Variants in ERMP1 observed in about 807,000 individuals in gnomAD.
ERMP1 encodes endoplasmic reticulum metallopeptidase 1.
ERMP1 carries 86 observed loss-of-function variants against 92.0 expected under a neutral mutation model. The observed-to-expected ratio is 0.93, with a 90% CI of 0.79 to 1.12. The LOEUF (loss-of-function observed/expected upper bound fraction) is 1.12, where lower values mean the gene tolerates loss of function less well. ERMP1 is among the 50% of genes most tolerant of loss of function. The probability of loss-of-function intolerance (pLI) is 0.00; values close to 1 mark genes in which losing one functional copy is unlikely to be tolerated. For missense variants in ERMP1, 1,342 were observed against 1,116.3 expected, an observed-to-expected ratio of 1.20 and a Z score of -2.88; for synonymous variants, 530 against 412.8, an observed-to-expected ratio of 1.28 and a Z score of -3.44.
chr9:5,807,867 C>G (rs1396314025), intron 8 of ERMP1, among the ~76,000 whole-genome samples: 2 of 152,184 alleles, frequency 1.3e-5, no homozygotes, highest in Non-Finnish European at 2.9e-5. Context: ...ATATGTCAGT[C>G]TCACTTCATC....
chr9:5,805,106 C>G lies in ERMP1; in HGVS notation c.1835G>C (p.Arg612Thr). ...ATCAGGTGGGATTTCAGAACCACTT[C>G]TCCCGAGGATAGGGGTAAACATCTC... ...VFEMFTPILG[R>T]SGSEIPPDVV... Residue 612 changes from arginine (R) to threonine (T), a missense_variant, in exon 10 of 15, where the codon AGA (arginine) becomes ACA (threonine). Coordinates refer to ENST00000339450, the MANE Select transcript of ERMP1 (RefSeq NM_024896.3). 1.2e-6 allele frequency: 2 copies of G among 1,613,758 alleles called. No individual in the cohort carries two copies. Among genetic ancestry groups the G allele is most frequent in the Non-Finnish European group, 1.7e-6 (2 of 1,179,944 alleles).
chr9:5,836,713 T>A (rs934752902), upstream of ERMP1, among the ~76,000 whole-genome samples: 2 of 152,192 alleles, frequency 1.3e-5, no homozygotes, highest in Non-Finnish European at 2.9e-5. Flanking sequence ...TTTCCAACTC[T>A]GAAGCTCTGA....
chr9:5,854,257 A>AT (rs1308365311), intron 6 of ERMP1, among the ~76,000 whole-genome samples: 1 of 152,112 alleles, frequency 6.6e-6, no homozygotes, highest in East Asian at 1.9e-4. Flanking sequence ...TGTCAGTACT[A>AT]GTCAGGCTGA....
intron 11 of ERMP1, among the ~76,000 whole-genome samples, chr9:5,800,570 G>C (rs1379811751): frequency 6.6e-6 from 1 of 152,092 alleles, no homozygotes; most frequent in Non-Finnish European, 1.5e-5. Context: ...CAGCTACTTG[G>C]GAGTCTGAGG....
chr9:5,857,099 C>T (rs1830384033), intron 6 of ERMP1, among the ~76,000 whole-genome samples: 1 of 152,122 alleles, frequency 6.6e-6, no homozygotes, highest in Admixed American at 6.5e-5. Flanking sequence ...TAGCTCATTG[C>T]AGCCTTGATT....
Position 5,801,336 on chromosome 9 carries a change from A to T in ERMP1, c.1915-8T>A. 2 of 1,605,648 alleles carry T rather than the reference A, an allele frequency of 1.2e-6. No homozygotes were observed. Among genetic ancestry groups the T allele is most frequent in the Non-Finnish European group, 1.7e-6 (2 of 1,176,956 alleles). ...AAGGTAGATGAAGTTAATCTGAAAC[A>T]CAAACCACAAACACAGAAATATTAC... On this transcript the variant is annotated splice_polypyrimidine_tract_variant and splice_region_variant and intron_variant, in intron 10 of 14. Coordinates refer to ENST00000339450, the MANE Select transcript of ERMP1 (RefSeq NM_024896.3).
At chr9:5,855,272 T>C (rs1355507015) in intron 6 of ERMP1, among the ~76,000 whole-genome samples, 1 of 152,162 alleles carries the variant, frequency 6.6e-6, no homozygotes, top group Non-Finnish European at 1.5e-5. Flanking sequence ...AAAGGAGTGA[T>C]TCCTACTGTG....
At chr9:5,832,662 G>T in intron 1 of ERMP1, 28 bp downstream of exon 1, 1 of 1,374,078 alleles carries the variant, frequency 7.3e-7, no homozygotes, top group Non-Finnish European at 9.4e-7. Context: ...CGGACGCGCG[G>T]GCCGTGCCAG....
intron 6 of ERMP1, among the ~76,000 whole-genome samples, chr9:5,841,589 G>A (rs1291082674): frequency 1.3e-5 from 2 of 152,206 alleles, no homozygotes; most frequent in Non-Finnish European, 2.9e-5. Context: ...CTTGAGGTCA[G>A]GAGATCAAGA....
intron 7 of ERMP1, among the ~76,000 whole-genome samples, chr9:5,810,450 A>G (rs930756882): frequency 6.6e-6 from 1 of 152,208 alleles, no homozygotes; most frequent in African/African-American, 2.4e-5. Flanking sequence ...TCTAGATACT[A>G]AACACTCAAA....
chr9:5,858,697 C>A (rs1563785132), intron 6 of ERMP1, among the ~76,000 whole-genome samples: 1 of 152,166 alleles, frequency 6.6e-6, no homozygotes, highest in African/African-American at 2.4e-5. Flanking sequence ...GGGTACTACT[C>A]AAATCACATC....
At chr9:5,799,258 T>C (rs1364803687) in intron 11 of ERMP1, among the ~76,000 whole-genome samples, 3 of 152,244 alleles carry the variant, frequency 2.0e-5, no homozygotes, top group Non-Finnish European at 2.9e-5. Flanking sequence ...TGAAACTTAC[T>C]ATTTCAGACT....
At chr9:5,828,797 T>C (rs10975304) in intron 2 of ERMP1, among the ~76,000 whole-genome samples, 51,866 of 152,090 alleles carry the variant, frequency 0.34, 10,261 homozygotes, top group East Asian at 0.75. Flanking sequence ...CTTTTTTCTT[T>C]TGTCCCTACA....
At chr9:5,793,503 C>T (rs1474592507) in intron 13 of ERMP1, among the ~76,000 whole-genome samples, 1 of 152,002 alleles carries the variant, frequency 6.6e-6, no homozygotes, top group African/African-American at 2.4e-5. Context: ...AAAGACAGAG[C>T]GTCAGGGTGG....
chr9:5,792,850 T>C (rs939441609), intron 13 of ERMP1, among the ~76,000 whole-genome samples: 3 of 152,048 alleles, frequency 2.0e-5, no homozygotes, highest in East Asian at 1.9e-4. Flanking sequence ...TATAAAAGAA[T>C]AGAACAATAT....
chr9:5,832,813 C>G lies in ERMP1; in HGVS notation c.215G>C (p.Arg72Pro). The G allele has an allele frequency of 6.7e-7, 1 of 1,501,944 alleles. No individual in the cohort carries two copies. The highest frequency in any genetic ancestry group is 1.2e-5 in the South Asian group (1 of 80,348). The allele number at this position is 1,501,944 out of a possible 1,614,324, so 93.0% of individuals were successfully genotyped here. The change falls in exon 1 of 15, where the codon CGC (arginine) becomes CCC (proline). Residue 72 changes from arginine to proline, a missense_variant. Coordinates refer to ENST00000339450, the MANE Select transcript of ERMP1 (RefSeq NM_024896.3). ...RGAGTGLSEVRAALGLALYLI... is the reference protein window; with the variant it reads ...RGAGTGLSEVPAALGLALYLI... ...GTAGAGCGCGAGCCCCAGCGCGGCG[C>G]GCACCTCAGACAGCCCGGTCCCCGC...
chr9:5,861,170 G>GGGGTGTGTGT lies in ERMP1; in HGVS notation n.3056-1560_3056-1559insACACACACCC, dbSNP rs1554630170. ...GCAGTGAACCCACAATGGCTTAGGG[G>GGGGTGTGTGT]GTGTGTGTGTGTGTGTGTGTGTGTG... On this transcript the variant is annotated intron_variant and non_coding_transcript_variant, in intron 5 of 6. Coordinates refer to the ERMP1 transcript ENST00000690753. Among the ~76,000 whole-genome samples, 20 of 102,140 alleles carry GGGGTGTGTGT rather than the reference G, an allele frequency of 2.0e-4. No individual in the cohort carries two copies. The East Asian group carries it at 7.0e-3, about 36-fold the overall frequency. 67.0% of individuals were successfully genotyped at this position (102,140 alleles called of 152,430 possible).
chr9:5,817,815 A>G (rs1829377389), intron 4 of ERMP1, among the ~76,000 whole-genome samples: 1 of 152,062 alleles, frequency 6.6e-6, no homozygotes, highest in Non-Finnish European at 1.5e-5. Flanking sequence ...CCACTGCTTT[A>G]CTTCCTTCAA....
At chr9:5,861,166 AGG>A (rs1554630169) in intron 5 of ERMP1, among the ~76,000 whole-genome samples, 4,040 of 78,296 alleles carry the variant, frequency 0.052, 168 homozygotes, top group East Asian at 0.23. Context: ...ACAATGGCTT[AGG>A]GGGTGTGTGT....
Sources: allele counts gnomAD v4.1 joint callset (sites outside exome capture counted in the v4.1 genomes callset), GRCh38; gene constraint gnomAD v4.1.1; transcripts MANE v1.5; gene names NCBI Gene and HGNC (gene_info 2026-07-23, HGNC 2026-07-21).